Variants in CCDC102B observed in about 807,000 individuals in gnomAD.
CCDC102B encodes the protein coiled-coil domain containing 102B.
Under a neutral mutation model 57.4 loss-of-function variants are expected in CCDC102B, and 75 were observed. The ratio of observed to expected loss-of-function variants is 1.31; its 90% CI spans 1.08 to 1.58. The LOEUF is 1.58. Among genes scored for constraint, CCDC102B ranks in the 40% most tolerant of loss-of-function variants. CCDC102B has a pLI of 0.00. For missense variants in CCDC102B, 636 were observed against 582.6 expected (o/e 1.09, Z -0.94); for synonymous variants, 206 against 201.9 (o/e 1.02, Z -0.17).
chr18:68,738,042 A>T (rs922967764), intron 2 of CCDC102B, among the ~76,000 whole-genome samples: 1 of 152,178 alleles, frequency 6.6e-6, no homozygotes, highest in Non-Finnish European at 1.5e-5. Flanking sequence ...TAATGTGTGT[A>T]TTGCATAATA....
At chr18:68,936,793 A>G (rs1245932550) in intron 6 of CCDC102B, among the ~76,000 whole-genome samples, 1 of 150,744 alleles carries the variant, frequency 6.6e-6, no homozygotes, top group Non-Finnish European at 1.5e-5. Flanking sequence ...ATATATACAT[A>G]CACATATATA....
intron 2 of CCDC102B, among the ~76,000 whole-genome samples, chr18:68,745,459 A>T (rs200714921): frequency 1.3e-5 from 2 of 151,948 alleles, no homozygotes; most frequent in East Asian, 1.9e-4. Flanking sequence ...TAAAAAATTA[A>T]TTTTTTTAAT....
chr18:68,885,646 C>T (rs1172768343), intron 5 of CCDC102B, among the ~76,000 whole-genome samples: 1 of 151,898 alleles, frequency 6.6e-6, no homozygotes, highest in Non-Finnish European at 1.5e-5. Flanking sequence ...TGTACACATA[C>T]TCAATTTACA....
At chr18:69,049,514 A>G (rs2052651472) in intron 7 of CCDC102B, among the ~76,000 whole-genome samples, 1 of 152,138 alleles carries the variant, frequency 6.6e-6, no homozygotes, top group Non-Finnish European at 1.5e-5. Flanking sequence ...ATTCCCCAAC[A>G]TTGTAAAATA....
chr18:68,816,850 C>A (rs1459922902), intron 1 of CCDC102B, among the ~76,000 whole-genome samples: 1 of 152,152 alleles, frequency 6.6e-6, no homozygotes, highest in Non-Finnish European at 1.5e-5. Flanking sequence ...GTAATAATGT[C>A]TAAAAGCAGC....
intron 6 of CCDC102B, among the ~76,000 whole-genome samples, chr18:68,941,263 A>AT (rs1357887134): frequency 5.5e-5 from 5 of 91,212 alleles, no homozygotes; most frequent in African/African-American, 1.5e-4. Context: ...GAGCACAAAA[A>AT]TAAAAAAAAA....
In CCDC102B at chr18:69,054,225, T is replaced by C; in HGVS notation, c.*88T>C. The C allele has an allele frequency of 7.1e-7, 1 of 1,407,266 alleles. No homozygotes were observed. Among genetic ancestry groups the C allele is most frequent in the South Asian group, 1.6e-5 (1 of 60,614 alleles). The allele number at this position is 1,407,266 out of a possible 1,614,324, so 87.2% of individuals were successfully genotyped here. A position where few individuals can be genotyped will look rare whatever the true frequency, so the allele number is the denominator to read the frequency against. Reference sequence around the variant, plus strand: ...TTAAATATCAGTAAAATTGTTTTTATTAACTAGAAATATTAATGAAAAAAA... The same window carrying C: ...TTAAATATCAGTAAAATTGTTTTTACTAACTAGAAATATTAATGAAAAAAA... On this transcript the variant is annotated 3_prime_UTR_variant, in exon 8 of 8. Coordinates refer to ENST00000360242, the MANE Select transcript of CCDC102B (RefSeq NM_024781.3).
At chr18:68,742,137 C>T (rs569105195) in intron 2 of CCDC102B, among the ~76,000 whole-genome samples, 2 of 152,290 alleles carry the variant, frequency 1.3e-5, no homozygotes, top group South Asian at 2.1e-4. Flanking sequence ...CAAGATGTCT[C>T]CCGGGATGAT....
At chr18:68,796,843 A>ATGTGTGTGTGTG (rs35894372), upstream of CCDC102B, among the ~76,000 whole-genome samples, 225 of 147,104 alleles carry the variant, frequency 1.5e-3, 1 homozygote, top group African/African-American at 5.2e-3. Context: ...ATGTACATGC[A>ATGTGTGTGTGTG]TGTGTGTGTG....
chr18:69,035,112 T>A (rs548461051), intron 7 of CCDC102B, among the ~76,000 whole-genome samples: 1 of 152,188 alleles, frequency 6.6e-6, no homozygotes, highest in East Asian at 1.9e-4. Flanking sequence ...CATGTTCATT[T>A]CATTAACTCC....
Position 69,010,985 on chromosome 18 carries a change from G to C in CCDC102B, c.1315G>C (p.Ala439Pro). 3 of 1,613,164 alleles carry C rather than the reference G, an allele frequency of 1.9e-6. 1 individual carries two copies. The South Asian group carries it at 3.3e-5, about 18-fold the overall frequency. The part of the protein sequence containing the change: ...AYYKLNRQYQ[A>P]NIAELTHANN... ...CTATAAACTAAACAGACAATACCAGGCAAATATTGCAGAACTGACTCATGC... is the reference window on the plus strand; with the variant it reads ...CTATAAACTAAACAGACAATACCAGCCAAATATTGCAGAACTGACTCATGC... Residue 439 changes from alanine (A) to proline (P), a missense_variant, in exon 7 of 8, where the codon GCA becomes CCA. Physicochemically the swap from Ala to Pro is conservative, Grantham distance 27. Coordinates refer to ENST00000360242, the MANE Select transcript of CCDC102B (RefSeq NM_024781.3).
intron 1 of CCDC102B, among the ~76,000 whole-genome samples, chr18:68,820,707 G>A (rs537435289): frequency 5.1e-4 from 77 of 150,370 alleles, no homozygotes; most frequent in Non-Finnish European, 7.7e-4. Flanking sequence ...TTATTCTTTC[G>A]TTCATACAAT....
intron 6 of CCDC102B, among the ~76,000 whole-genome samples, chr18:68,981,389 G>T (rs886785527): frequency 6.6e-6 from 1 of 151,986 alleles, no homozygotes; most frequent in African/African-American, 2.4e-5. Flanking sequence ...GAGACATGAG[G>T]CATAAGGGAC....
chr18:68,847,168 A>G lies in CCDC102B; in HGVS notation c.936+747A>G, dbSNP rs560431617. 5.9e-5 allele frequency among the ~76,000 whole-genome samples: 9 copies of G among 151,322 alleles called. No individual in the cohort carries two copies. The South Asian group carries it at 1.9e-3, about 32-fold the overall frequency. On this transcript the variant is annotated intron_variant, in intron 4 of 7. Transcript: ENST00000360242. ...AACATTTAGTGGGTGTGTGTGCAATATAAGTATAAGGTATGCACATGTATA... is the reference window on the plus strand; with the variant it reads ...AACATTTAGTGGGTGTGTGTGCAATGTAAGTATAAGGTATGCACATGTATA...
At chr18:68,719,296 C>T (rs975592459) in intron 2 of CCDC102B, among the ~76,000 whole-genome samples, 3 of 152,188 alleles carry the variant, frequency 2.0e-5, no homozygotes, top group South Asian at 2.1e-4. Context: ...TGTGAATTGG[C>T]TTATGCAGCT....
intron 6 of CCDC102B, among the ~76,000 whole-genome samples, chr18:68,925,273 C>T (rs965596474): frequency 1.3e-5 from 2 of 151,930 alleles, no homozygotes; most frequent in African/African-American, 4.8e-5. Context: ...CAGAAATACT[C>T]AGTCAGATAC....
At chr18:68,949,571 C>T (rs1014655773) in intron 6 of CCDC102B, among the ~76,000 whole-genome samples, 6 of 152,058 alleles carry the variant, frequency 3.9e-5, no homozygotes, top group African/African-American at 1.4e-4. Flanking sequence ...CTTTTTGCCA[C>T]CCCTCTTTAT....
chr18:69,036,183 T>C (rs2145457469), intron 7 of CCDC102B, among the ~76,000 whole-genome samples: 1 of 152,252 alleles, frequency 6.6e-6, no homozygotes, highest in East Asian at 1.9e-4. Context: ...CAGGCTTTTG[T>C]AGCCATTTCT....
At chr18:68,913,659 GA>G (rs35793292) in intron 6 of CCDC102B, among the ~76,000 whole-genome samples, 4 of 141,938 alleles carry the variant, frequency 2.8e-5, no homozygotes, top group Non-Finnish European at 1.5e-5. Context: ...GGTCTCAAAA[GA>G]AAAAAAAAAA....
Sources: allele counts gnomAD v4.1 joint callset (sites outside exome capture counted in the v4.1 genomes callset), GRCh38; gene constraint gnomAD v4.1.1; transcripts MANE v1.5; gene names NCBI Gene and HGNC (gene_info 2026-07-23, HGNC 2026-07-21).